KRTAP10-9: variants seen among roughly 807,000 people sequenced by gnomAD.
The protein encoded by KRTAP10-9 is keratin associated protein 10-9.
In KRTAP10-9, 1 loss-of-function variant was observed where a neutral mutation model predicts 0.5. That is an observed-to-expected ratio of 1.92 (90% CI 0.68 to 9.09). KRTAP10-9 has a LOEUF of 9.09. KRTAP10-9 is among the 30% of genes most tolerant of loss of function. The pLI, the probability that KRTAP10-9 is intolerant of heterozygous loss-of-function variation, is 0.13. For synonymous variants in KRTAP10-9, 199 were observed against 159.8 expected (o/e 1.25, Z -1.85); for missense variants, 391 against 376.4 (o/e 1.04, Z -0.32).
At position 44,627,388 on chromosome 21, in the gene KRTAP10-9, A is replaced by G; in HGVS notation, c.217A>G (p.Ser73Gly). The G allele has an allele frequency of 6.2e-7, 1 of 1,613,892 alleles. No homozygotes were observed. Among genetic ancestry groups the G allele is most frequent in the Non-Finnish European group, 8.5e-7 (1 of 1,179,952 alleles). ...EPSPCQSGCT[S>G]SCTPSCCQQS... ...CAGCCCCTGCCAATCAGGCTGCACC[A>G]GCTCCTGCACGCCCTCGTGCTGCCA... is the stretch of plus-strand genomic sequence containing the variant. The change falls in exon 1 of 1, where the codon AGC becomes GGC. Residue 73 changes from serine (S) to glycine (G), a missense_variant. Ser to Gly is a moderately conservative substitution (Grantham distance 56). Transcript: ENST00000397911.
Position 44,628,216 on chromosome 21 carries a change from C to G in KRTAP10-9, c.*166C>G. On this transcript the variant is annotated 3_prime_UTR_variant, in exon 1 of 1. Transcript: ENST00000397911. ...TGCTCACTGGCTCCTCCCTGACCTC[C>G]CCCCCGGGCAGGCGAGCCCTGGCTT... 1 of 644,146 alleles carries G rather than the reference C, an allele frequency of 1.6e-6. No individual in the cohort carries two copies. Among genetic ancestry groups the G allele is most frequent in the South Asian group, 2.0e-5 (1 of 49,836 alleles). The allele number at this position is 644,146 out of a possible 1,614,324, so 39.9% of individuals were successfully genotyped here. A position where few individuals can be genotyped will look rare whatever the true frequency, so the allele number is the denominator to read the frequency against.
rs201392626 is a variant in KRTAP10-9 at position 44,627,895 on chromosome 21, G to A, written c.724G>A (p.Ala242Thr). 16,708 of 1,612,010 alleles carry A rather than the reference G, an allele frequency of 0.01. 106 individuals carry two copies. The highest frequency in any genetic ancestry group is 0.012 in the Non-Finnish European group (14,125 of 1,178,892). Residue 242 changes from alanine (A) to threonine (T), a missense_variant, in exon 1 of 1, where the codon GCC (alanine) becomes ACC (threonine). Coordinates refer to ENST00000397911, the MANE Select transcript of KRTAP10-9 (RefSeq NM_198690.3). ...SLLCRPVCRP[A>T]CCVPVSSCCA... Reference sequence around the variant, plus strand: ...CCTCTGCCGCCCTGTGTGCAGGCCCGCCTGCTGCGTGCCCGTCTCCTCCTG... The same window carrying A: ...CCTCTGCCGCCCTGTGTGCAGGCCCACCTGCTGCGTGCCCGTCTCCTCCTG...
At position 44,627,444 on chromosome 21, in the gene KRTAP10-9, C is replaced by A. The variant is rs1982901190; in HGVS notation, c.273C>A (p.Thr91=). 3 of 1,613,320 alleles carry A rather than the reference C, an allele frequency of 1.9e-6. No homozygotes were observed. The highest frequency in any genetic ancestry group is 2.5e-6 in the Non-Finnish European group (3 of 1,179,682). ...QQSSCQPAYC[T]SSPCQQACCV... is the part of the protein sequence containing the mutation. ...CTAGCTGCCAGCCGGCTTACTGCAC[C>A]TCCTCCCCCTGCCAGCAGGCCTGCT... The change falls in exon 1 of 1, where the codon ACC becomes ACA. Residue 91 remains threonine (T), a synonymous_variant. Coordinates refer to ENST00000397911, the MANE Select transcript of KRTAP10-9 (RefSeq NM_198690.3).
In KRTAP10-9 at chr21:44,627,965, C is replaced by G. The variant is rs1158516946; in HGVS notation, c.794C>G (p.Ala265Gly). The change falls in exon 1 of 1, where the codon GCC becomes GGC. Residue 265 changes from alanine (A) to glycine (G), a missense_variant. Physicochemically the swap from Ala to Gly is moderately conservative, Grantham distance 60. Transcript: ENST00000397911. Reference sequence around the variant, plus strand: ...CGCCAGCCCAGCTATTGCCGCCAGGCCTCCTGTGTGTCCCTTCTCTGCCGC... The same window carrying G: ...CGCCAGCCCAGCTATTGCCGCCAGGGCTCCTGTGTGTCCCTTCTCTGCCGC... ...SSRQPSYCRQ[A>G]SCVSLLCRPV... The G allele has an allele frequency of 6.6e-7, 1 of 1,519,880 alleles. No homozygotes were observed. Among genetic ancestry groups the G allele is most frequent in the East Asian group, 2.4e-5 (1 of 41,386 alleles). 94.1% of individuals were successfully genotyped at this position (1,519,880 alleles called of 1,614,324 possible). A position where few individuals can be genotyped will look rare whatever the true frequency, so the allele number is the denominator to read the frequency against.
Position 44,628,279 on chromosome 21 carries a change from C to CCGCTGGT in KRTAP10-9, c.*237_*243dup, listed in dbSNP as rs587633163. ...CTTCCTGGCTGCAGACCACAACCCT[C>CCGCTGGT]CGCTGGTCGCTGGTTGGGGACGGGC... is the stretch of plus-strand genomic sequence containing the variant. On this transcript the variant is annotated 3_prime_UTR_variant, in exon 1 of 1. Coordinates refer to ENST00000397911, the MANE Select transcript of KRTAP10-9 (RefSeq NM_198690.3). 8.4e-3 allele frequency: 2,885 copies of CCGCTGGT among 343,856 alleles called. 178 individuals carry two copies. Among genetic ancestry groups the CCGCTGGT allele is most frequent in the Non-Finnish European group, 9.7e-3 (1,807 of 185,524 alleles). The allele number at this position is 343,856 out of a possible 1,614,324, so 21.3% of individuals were successfully genotyped here.
rs201944389 is a variant in KRTAP10-9, at chr21:44,627,971, G to A, written c.800G>A (p.Cys267Tyr). The A allele has an allele frequency of 6.6e-7, 1 of 1,519,690 alleles. No individual in the cohort carries two copies. Among genetic ancestry groups the A allele is most frequent in the African/African-American group, 1.4e-5 (1 of 72,636 alleles). 94.1% of individuals were successfully genotyped at this position (1,519,690 alleles called of 1,614,324 possible). A position where few individuals can be genotyped will look rare whatever the true frequency, so the allele number is the denominator to read the frequency against. Residue 267 changes from cysteine to tyrosine, a missense_variant, in exon 1 of 1, where the codon TGT becomes TAT. Coordinates refer to ENST00000397911, the MANE Select transcript of KRTAP10-9 (RefSeq NM_198690.3). ...CCCAGCTATTGCCGCCAGGCCTCCT[G>A]TGTGTCCCTTCTCTGCCGCCCTGTG... ...RQPSYCRQAS[C>Y]VSLLCRPVCS...
Position 44,627,292 on chromosome 21 carries a change from C to G in KRTAP10-9, c.121C>G (p.Pro41Ala). The stretch of plus-strand genomic sequence containing the variant: ...CGCCACCAGCTGCTGCGCCCCGGCC[C>G]CCTGCCTGACCCTGGTCTGCACCCC... ...CCATSCCAPA[P>A]CLTLVCTPVS... Residue 41 changes from proline (P) to alanine (A), a missense_variant, in exon 1 of 1, where the codon CCC becomes GCC. By Grantham distance (27) the Pro-to-Ala change is conservative. Coordinates refer to ENST00000397911, the MANE Select transcript of KRTAP10-9 (RefSeq NM_198690.3). 3 of 1,612,588 alleles carry G rather than the reference C, an allele frequency of 1.9e-6. No homozygotes were observed. The highest frequency in any genetic ancestry group is 1.7e-6 in the Non-Finnish European group (2 of 1,179,928).
At position 44,628,169 on chromosome 21, in the gene KRTAP10-9, C is replaced by T. The variant is rs374537620; in HGVS notation, c.*119C>T. 5.4e-5 allele frequency: 70 copies of T among 1,290,896 alleles called. No individual in the cohort carries two copies. The African/African-American group carries it at 7.0e-4, about 13-fold the overall frequency. The allele number at this position is 1,290,896 out of a possible 1,614,324, so 80.0% of individuals were successfully genotyped here. Reference sequence around the variant, plus strand: ...CAGAAGGAGCAGCCCCAGCCACAGCCGCCCAGCCCCGGGGTCTCAGATGCT... The same window carrying T: ...CAGAAGGAGCAGCCCCAGCCACAGCTGCCCAGCCCCGGGGTCTCAGATGCT... On this transcript the variant is annotated 3_prime_UTR_variant, in exon 1 of 1. Transcript: ENST00000397911.
Position 44,628,069 on chromosome 21 carries a change from C to A in KRTAP10-9, c.*19C>A. 1.2e-6 allele frequency: 2 copies of A among 1,600,068 alleles called. No individual in the cohort carries two copies. The highest frequency in any genetic ancestry group is 1.7e-5 in the Admixed American group (1 of 59,524). ...CTGCTGACGGTCATGTCCCCCAGGG[C>A]CAGCCGGGCTCAGGCCCCACCTCCC... is the stretch of plus-strand genomic sequence containing the variant. On this transcript the variant is annotated 3_prime_UTR_variant, in exon 1 of 1. Transcript: ENST00000397911.
Position 44,627,739 on chromosome 21 carries a change from C to T in KRTAP10-9, c.568C>T (p.Pro190Ser), listed in dbSNP as rs782140281. 1.3e-5 allele frequency: 20 copies of T among 1,594,992 alleles called. No individual in the cohort carries two copies. In the Admixed American group the frequency reaches 3.5e-4, roughly 28 times the overall value. ...QSYCVPVCCKPVCCKPICCVP... is the reference protein window; with the variant it reads ...QSYCVPVCCKSVCCKPICCVP... ...CTACTGTGTGCCTGTCTGCTGTAAG[C>T]CTGTCTGCTGCAAACCCATCTGCTG... The change falls in exon 1 of 1, where the codon CCT becomes TCT. Residue 190 changes from proline (P) to serine (S), a missense_variant. Coordinates refer to ENST00000397911, the MANE Select transcript of KRTAP10-9 (RefSeq NM_198690.3).
chr21:44,627,707 A>G lies in KRTAP10-9; in HGVS notation c.536A>G (p.Gln179Arg). ...GCTTGCTGCACTTCCTCCCCCTGCC[A>G]GCAGTCCTACTGTGTGCCTGTCTGC... ...QPACCTSSPC[Q>R]QSYCVPVCCK... is the part of the protein sequence containing the mutation. Residue 179 changes from glutamine to arginine, a missense_variant, in exon 1 of 1, where the codon CAG becomes CGG. Gln to Arg is a conservative substitution (Grantham distance 43). Coordinates refer to ENST00000397911, the MANE Select transcript of KRTAP10-9 (RefSeq NM_198690.3). 6.3e-7 allele frequency: 1 copy of G among 1,598,200 alleles called. No individual in the cohort carries two copies. Among genetic ancestry groups the G allele is most frequent in the Non-Finnish European group, 8.5e-7 (1 of 1,170,278 alleles).
In KRTAP10-9 at chr21:44,628,117, C is replaced by G. The variant is rs1315663681; in HGVS notation, c.*67C>G. ...CCCTGCCAGTCCTTGGACCTCCCAG[C>G]CCACCCAGCCTCAGCACAGCTCAAC... On this transcript the variant is annotated 3_prime_UTR_variant, in exon 1 of 1. Transcript: ENST00000397911. 1 of 1,550,316 alleles carries G rather than the reference C, an allele frequency of 6.5e-7. No homozygotes were observed. The highest frequency in any genetic ancestry group is 1.4e-5 in the African/African-American group (1 of 73,660).
chr21:44,627,392 C>A lies in KRTAP10-9; in HGVS notation c.221C>A (p.Ser74Tyr). Reference protein sequence around the residue: ...PSPCQSGCTSSCTPSCCQQSS... With the variant: ...PSPCQSGCTSYCTPSCCQQSS... ...CCCTGCCAATCAGGCTGCACCAGCT[C>A]CTGCACGCCCTCGTGCTGCCAGCAG... Residue 74 changes from serine to tyrosine, a missense_variant, in exon 1 of 1, where the codon TCC (serine) becomes TAC (tyrosine). Ser to Tyr is a moderately radical substitution (Grantham distance 144). Transcript: ENST00000397911. 3 of 1,613,998 alleles carry A rather than the reference C, an allele frequency of 1.9e-6. No homozygotes were observed. Among genetic ancestry groups the A allele is most frequent in the Non-Finnish European group, 2.5e-6 (3 of 1,179,972 alleles).
chr21:44,627,771 T>C lies in KRTAP10-9; in HGVS notation c.600T>C (p.Pro200=), dbSNP rs374559619. ...PVCCKPICCV[P]VCSGASSLCC... is the part of the protein sequence containing the mutation. ...GCTGCAAACCCATCTGCTGTGTGCC[T>C]GTCTGCTCTGGGGCTTCCTCTTTGT... Residue 200 remains proline, a synonymous_variant, in exon 1 of 1, where the codon CCT becomes CCC. Transcript: ENST00000397911. 9.4e-5 allele frequency: 150 copies of C among 1,599,630 alleles called. 1 individual carries two copies. The highest frequency in any genetic ancestry group is 3.3e-4 in the Middle Eastern group (2 of 6,032).
At position 44,627,331 on chromosome 21, in the gene KRTAP10-9, T is replaced by C. The variant is rs587717276; in HGVS notation, c.160T>C (p.Ser54Pro). 1.9e-6 allele frequency: 3 copies of C among 1,613,154 alleles called. No homozygotes were observed. Among genetic ancestry groups the C allele is most frequent in the African/African-American group, 2.7e-5 (2 of 75,014 alleles). ...TLVCTPVSRVSSPCCQVTCEP... is the reference protein window; with the variant it reads ...TLVCTPVSRVPSPCCQVTCEP... Reference sequence around the variant, plus strand: ...GGTCTGCACCCCAGTGAGCCGTGTATCCAGCCCCTGCTGCCAGGTGACCTG... The same window carrying C: ...GGTCTGCACCCCAGTGAGCCGTGTACCCAGCCCCTGCTGCCAGGTGACCTG... Residue 54 changes from serine to proline, a missense_variant, in exon 1 of 1, where the codon TCC (serine) becomes CCC (proline). Transcript: ENST00000397911.
In KRTAP10-9 at chr21:44,627,358, G is replaced by A. The variant is rs1982889288; in HGVS notation, c.187G>A (p.Glu63Lys). ...CAGCCCCTGCTGCCAGGTGACCTGT[G>A]AGCCCAGCCCCTGCCAATCAGGCTG... ...VSSPCCQVTC[E>K]PSPCQSGCTS... is the part of the protein sequence containing the mutation. Residue 63 changes from glutamate (E) to lysine (K), a missense_variant, in exon 1 of 1, where the codon GAG (glutamate) becomes AAG (lysine). Glu to Lys is a moderately conservative substitution (Grantham distance 56). Coordinates refer to ENST00000397911, the MANE Select transcript of KRTAP10-9 (RefSeq NM_198690.3). 8.7e-6 allele frequency: 14 copies of A among 1,613,532 alleles called. No homozygotes were observed. The highest frequency in any genetic ancestry group is 1.2e-5 in the Non-Finnish European group (14 of 1,179,956).
Position 44,628,150 on chromosome 21 carries a change from G to T in KRTAP10-9, c.*100G>T, listed in dbSNP as rs1432510549. On this transcript the variant is annotated 3_prime_UTR_variant, in exon 1 of 1. Coordinates refer to ENST00000397911, the MANE Select transcript of KRTAP10-9 (RefSeq NM_198690.3). ...GCCTCAGCACAGCTCAACACAGAAG[G>T]AGCAGCCCCAGCCACAGCCGCCCAG... 202 of 1,427,218 alleles carry T rather than the reference G, an allele frequency of 1.4e-4. No homozygotes were observed. Among genetic ancestry groups the T allele is most frequent in the Non-Finnish European group, 1.8e-4 (191 of 1,049,732 alleles). 88.4% of individuals were successfully genotyped at this position (1,427,218 alleles called of 1,614,324 possible).
At position 44,627,347 on chromosome 21, in the gene KRTAP10-9, A is replaced by C. The variant is rs782011268; in HGVS notation, c.176A>C (p.Gln59Pro). ...PVSRVSSPCC[Q>P]VTCEPSPCQS... The stretch of plus-strand genomic sequence containing the variant: ...AGCCGTGTATCCAGCCCCTGCTGCC[A>C]GGTGACCTGTGAGCCCAGCCCCTGC... The change falls in exon 1 of 1, where the codon CAG becomes CCG. Residue 59 changes from glutamine to proline, a missense_variant. Transcript: ENST00000397911. 2.5e-6 allele frequency: 4 copies of C among 1,613,284 alleles called. No homozygotes were observed. The highest frequency in any genetic ancestry group is 2.7e-5 in the African/African-American group (2 of 74,880).
Position 44,627,973 on chromosome 21 carries a change from G to A in KRTAP10-9, c.802G>A (p.Val268Met), listed in dbSNP as rs1210525534. The stretch of plus-strand genomic sequence containing the variant: ...CAGCTATTGCCGCCAGGCCTCCTGT[G>A]TGTCCCTTCTCTGCCGCCCTGTGTG... ...QPSYCRQASC[V>M]SLLCRPVCSR... The change falls in exon 1 of 1, where the codon GTG becomes ATG. Residue 268 changes from valine (V) to methionine (M), a missense_variant. Val to Met is a conservative substitution (Grantham distance 21, BLOSUM62 1). Transcript: ENST00000397911. 2 of 1,529,124 alleles carry A rather than the reference G, an allele frequency of 1.3e-6. No homozygotes were observed. Among genetic ancestry groups the A allele is most frequent in the South Asian group, 1.2e-5 (1 of 82,970 alleles). The allele number at this position is 1,529,124 out of a possible 1,614,324, so 94.7% of individuals were successfully genotyped here.
Sources: gnomAD v4.1 joint callset for allele counts on GRCh38, gnomAD v4.1.1 for gene constraint, MANE v1.5 for transcripts, NCBI Gene and HGNC (gene_info 2026-07-23, HGNC 2026-07-21) for gene names.